Variants in ZYG11B observed in about 807,000 individuals in gnomAD.
The protein encoded by ZYG11B is protein zyg-11 homolog B.
In ZYG11B, 36 loss-of-function variants were observed where a neutral mutation model predicts 82.4. The observed-to-expected ratio is 0.44, with a 90% CI of 0.33 to 0.58. The LOEUF is 0.58. Among genes scored for constraint, ZYG11B ranks in the 20% least tolerant of loss-of-function variants. ZYG11B has a pLI of 0.02. For missense variants in ZYG11B, 552 were observed against 895.6 expected (o/e 0.62, Z 4.90); for synonymous variants, 303 against 312.8 (o/e 0.97, Z 0.33).
rs10643364 is a variant in ZYG11B, at chr1:52,738,985, C to CTTTTTTTTT, written c.30+12307_30+12315dup. ...ATTTTCATTTCATAGGCCCTGTAAC[C>CTTTTTTTTT]TTTTTTTTTTTTTGGAGACAGAGTC... is the stretch of plus-strand genomic sequence containing the variant. On this transcript the variant is annotated intron_variant, in intron 1 of 13. Transcript: ENST00000294353. Among the ~76,000 whole-genome samples, 86 of 106,270 alleles carry CTTTTTTTTT rather than the reference C, an allele frequency of 8.1e-4. 14 individuals carry two copies. The highest frequency in any genetic ancestry group is 1.2e-3 in the Admixed American group (10 of 8,364). The allele number at this position is 106,270 out of a possible 152,430, so 69.7% of individuals were successfully genotyped here.
At chr1:52,750,983 C>T (rs925830967) in intron 1 of ZYG11B, among the ~76,000 whole-genome samples, 2 of 152,020 alleles carry the variant, frequency 1.3e-5, no homozygotes, top group Admixed American at 1.3e-4. Flanking sequence ...TGGGGCTGTA[C>T]TATATTTTGT....
Position 52,779,978 on chromosome 1 carries a change from G to A in ZYG11B, c.1077G>A (p.Lys359=). Residue 359 remains lysine, a synonymous_variant, in exon 4 of 14, where the codon AAG becomes AAA. Coordinates refer to ENST00000294353, the MANE Select transcript of ZYG11B (RefSeq NM_024646.3). ...FSLTHVMEKT[K]PEILKLVVTG... is the part of the protein sequence containing the mutation. ...TGACTCATGTGATGGAAAAAACAAA[G>A]CCAGAAATTTTAAAGGTAAGAATAA... The A allele has an allele frequency of 1.2e-6, 2 of 1,613,232 alleles. No homozygotes were observed. The highest frequency in any genetic ancestry group is 1.7e-6 in the Non-Finnish European group (2 of 1,179,820).
intron 10 of ZYG11B, chr1:52,805,307 A>G: frequency 3.0e-6 from 1 of 338,658 alleles, no homozygotes; most frequent in Non-Finnish European, 5.8e-6. Context: ...TCCACATGCA[A>G]GCAGTGAGGA....
chr1:52,800,702 G>A (rs1029505860), intron 8 of ZYG11B, among the ~76,000 whole-genome samples: 6 of 152,056 alleles, frequency 3.9e-5, no homozygotes, highest in African/African-American at 1.4e-4. Context: ...CCAGCTACTT[G>A]GGAGGCTGAG....
At chr1:52,758,286 G>T (rs1644597330) in intron 2 of ZYG11B, among the ~76,000 whole-genome samples, 1 of 151,172 alleles carries the variant, frequency 6.6e-6, no homozygotes, top group Non-Finnish European at 1.5e-5. Flanking sequence ...CACAGCTATA[G>T]AATAGAATGT....
intron 2 of ZYG11B, among the ~76,000 whole-genome samples, chr1:52,767,006 C>CA (rs113377024): frequency 0.19 from 26,055 of 138,260 alleles, 4,318 homozygotes; most frequent in African/African-American, 0.44. Context: ...GACTCCGTCT[C>CA]AAAAAAAAAA....
In ZYG11B at chr1:52,798,373, G is replaced by A. The variant is rs375303683; in HGVS notation, c.1485+1589G>A. Among the ~76,000 whole-genome samples the A allele has an allele frequency of 2.0e-5, 3 of 150,960 alleles. No individual in the cohort carries two copies. In the East Asian group the frequency reaches 6.0e-4, roughly 30 times the overall value. On this transcript the variant is annotated intron_variant, in intron 8 of 13. Transcript: ENST00000294353. ...TTATGCCTGTAATCCCAGCATTTTG[G>A]GAGGCCAAGGCAGGAGGGTTGCTTG...
At position 52,784,863 on chromosome 1, in the gene ZYG11B, T is replaced by A. The variant is rs1406252264; in HGVS notation, c.1093-14T>A. 9.1e-6 allele frequency: 14 copies of A among 1,538,360 alleles called. No homozygotes were observed. The highest frequency in any genetic ancestry group is 1.2e-5 in the Non-Finnish European group (14 of 1,126,288). ...TTATAAGGTGAATTAAGAGGACTAA[T>A]TTTTTTTTTCCAGCTTGTGGTTACT... On this transcript the variant is annotated splice_polypyrimidine_tract_variant and intron_variant, in intron 4 of 13. Transcript: ENST00000294353.
intron 2 of ZYG11B, among the ~76,000 whole-genome samples, chr1:52,770,507 T>C (rs1644740448): frequency 6.6e-6 from 1 of 152,192 alleles, no homozygotes; most frequent in South Asian, 2.1e-4. Context: ...GTACATAAAC[T>C]CTGCAAGTCC....
At chr1:52,776,244 ATG>A in intron 3 of ZYG11B, among the ~76,000 whole-genome samples, 1 of 99,818 alleles carries the variant, frequency 1.0e-5, no homozygotes, top group African/African-American at 3.1e-5. Flanking sequence ...ATATATATAT[ATG>A]CAATAAAGTT....
intron 5 of ZYG11B, 33 bp downstream of exon 5, chr1:52,785,086 C>T: frequency 3.1e-6 from 5 of 1,598,478 alleles, no homozygotes; most frequent in South Asian, 1.1e-5. Context: ...TCAAATAGTC[C>T]TTGTAGTGTC....
In ZYG11B at chr1:52,796,403, C is replaced by G. The variant is rs749209555; in HGVS notation, c.1434+12C>G. 6.2e-7 allele frequency: 1 copy of G among 1,604,874 alleles called. No homozygotes were observed. Among genetic ancestry groups the G allele is most frequent in the Non-Finnish European group, 8.5e-7 (1 of 1,172,456 alleles). Reference sequence around the variant, plus strand: ...TCCTGGCTGCCAAGGTACCTGAACTCTTGCTGAATAATTTTCTGTAGACAG... The same window carrying G: ...TCCTGGCTGCCAAGGTACCTGAACTGTTGCTGAATAATTTTCTGTAGACAG... On this transcript the variant is annotated intron_variant, in intron 7 of 13. Coordinates refer to ENST00000294353, the MANE Select transcript of ZYG11B (RefSeq NM_024646.3).
At chr1:52,751,910 A>T (rs1010408695) in intron 1 of ZYG11B, among the ~76,000 whole-genome samples, 7 of 151,770 alleles carry the variant, frequency 4.6e-5, no homozygotes, top group South Asian at 4.2e-4. Flanking sequence ...GAGAAAACAA[A>T]CTGTTTTCTC....
chr1:52,728,442 G>A (rs1214747368), intron 1 of ZYG11B, among the ~76,000 whole-genome samples: 1 of 152,166 alleles, frequency 6.6e-6, no homozygotes, highest in East Asian at 1.9e-4. Context: ...ACTTTTTGTA[G>A]AAATGGAGTC....
At chr1:52,738,989 T>TTTTTTTA (rs1644400679) in intron 1 of ZYG11B, among the ~76,000 whole-genome samples, 1 of 143,182 alleles carries the variant, frequency 7.0e-6, no homozygotes, top group African/African-American at 2.6e-5. Flanking sequence ...TGTAACCTTT[T>TTTTTTTA]TTTTTTTTTG....
At chr1:52,776,481 C>A (rs929656783) in intron 3 of ZYG11B, among the ~76,000 whole-genome samples, 19 of 148,388 alleles carry the variant, frequency 1.3e-4, no homozygotes, top group African/African-American at 4.5e-4. Flanking sequence ...TTGCAGTGAG[C>A]CAAGATTGTG....
At chr1:52,772,687 T>C (rs1015763465) in intron 3 of ZYG11B, 1 of 736,582 alleles carries the variant, frequency 1.4e-6, no homozygotes, top group Non-Finnish European at 2.4e-6. Context: ...TGTTTTTTTT[T>C]TTTCTTTTGA....
intron 8 of ZYG11B, among the ~76,000 whole-genome samples, chr1:52,797,264 A>G (rs1229432056): frequency 2.4e-5 from 2 of 84,130 alleles, no homozygotes; most frequent in African/African-American, 1.1e-4. Flanking sequence ...ATATATTTAT[A>G]TTATATATAA....
At chr1:52,813,466 TA>T (rs1302296371) in intron 10 of ZYG11B, 69 bp from the exon 11 acceptor site, 2 of 1,253,838 alleles carry the variant, frequency 1.6e-6, no homozygotes, top group Non-Finnish European at 2.2e-6. Context: ...ATCCAGGGCC[TA>T]AAAACAGTTA....
Sources: gnomAD v4.1 joint callset for allele counts (sites outside exome capture counted in the v4.1 genomes callset) on GRCh38, gnomAD v4.1.1 for gene constraint, MANE v1.5 for transcripts, NCBI Gene and HGNC (gene_info 2026-07-23, HGNC 2026-07-21) for gene names.